The following ASCC3 variants were observed in gnomAD, a reference collection of about 807,000 sequenced individuals.
The protein encoded by ASCC3 is activating signal cointegrator 1 complex subunit 3, also known as ASC-1 complex subunit P200.
A neutral mutation model predicts 256.3 loss-of-function variants in ASCC3; 158 were observed. The observed-to-expected ratio is 0.62, with a 90% CI of 0.54 to 0.70. ASCC3 has a LOEUF of 0.70. Ranked by LOEUF, ASCC3 falls within the 30% of genes least tolerant of loss-of-function variation. ASCC3 has a pLI of 0.00. For synonymous variants in ASCC3, 948 were observed against 883.4 expected (o/e 1.07, Z -1.30); for missense variants, 2,259 against 2,626.0 (o/e 0.86, Z 3.05).
intron 4 of ASCC3, among the ~76,000 whole-genome samples, chr6:100,826,422 C>T (rs1771313160): frequency 6.6e-6 from 1 of 152,168 alleles, no homozygotes. Context: ...TGAGCCACTG[C>T]ACCTGGCCAA....
intron 8 of ASCC3, among the ~76,000 whole-genome samples, chr6:100,775,746 A>T (rs1782156263): frequency 6.6e-6 from 1 of 152,050 alleles, no homozygotes; most frequent in South Asian, 2.1e-4. Flanking sequence ...GTTTCTTTTT[A>T]TTTCTCATTT....
chr6:100,818,767 A>G (rs1302385705), intron 4 of ASCC3, among the ~76,000 whole-genome samples: 3 of 147,554 alleles, frequency 2.0e-5, no homozygotes, highest in South Asian at 2.1e-4. Context: ...AAAAAAAAAA[A>G]AAAAAGAAAT....
At chr6:100,677,648 A>C (rs1777092393) in intron 14 of ASCC3, among the ~76,000 whole-genome samples, 1 of 152,160 alleles carries the variant, frequency 6.6e-6, no homozygotes, top group Admixed American at 6.6e-5. Context: ...AGCTAAGAAA[A>C]AAAGTAATTC....
At chr6:100,543,606 T>A (rs1775569643) in intron 36 of ASCC3, among the ~76,000 whole-genome samples, 1 of 152,062 alleles carries the variant, frequency 6.6e-6, no homozygotes, top group Non-Finnish European at 1.5e-5. Context: ...ATTATCATCA[T>A]GGATAAAGAC....
At position 100,616,336 on chromosome 6, in the gene ASCC3, C is replaced by T. The variant is rs375658059; in HGVS notation, c.4785+8856G>A. Among the ~76,000 whole-genome samples the T allele has an allele frequency of 1.1e-4, 16 of 152,290 alleles. No individual in the cohort carries two copies. In the East Asian group the frequency reaches 2.7e-3, roughly 26 times the overall value. On this transcript the variant is annotated intron_variant, in intron 30 of 41. Transcript: ENST00000369162. ...CATCTAAAAACACTTTAGTATTAAGCATGTGAAAACACTATCAATCTTACT... is the reference window on the plus strand; with the variant it reads ...CATCTAAAAACACTTTAGTATTAAGTATGTGAAAACACTATCAATCTTACT...
intron 14 of ASCC3, among the ~76,000 whole-genome samples, chr6:100,674,287 T>A (rs1029227367): frequency 2.6e-5 from 4 of 152,114 alleles, no homozygotes; most frequent in South Asian, 2.1e-4. Context: ...TTAAGAAATT[T>A]TTTTTCATCC....
intron 4 of ASCC3, among the ~76,000 whole-genome samples, chr6:100,811,629 A>C (rs1770474452): frequency 6.6e-6 from 1 of 152,178 alleles, no homozygotes; most frequent in Non-Finnish European, 1.5e-5. Context: ...GATATAAAAA[A>C]AAACCTTAAA....
intron 34 of ASCC3, among the ~76,000 whole-genome samples, chr6:100,599,138 G>A (rs1772463482): frequency 6.6e-6 from 1 of 152,158 alleles, no homozygotes; most frequent in South Asian, 2.1e-4. Context: ...TAACTTGATA[G>A]ACAGCAGATT....
intron 23 of ASCC3, among the ~76,000 whole-genome samples, chr6:100,643,274 C>A (rs559315339): frequency 6.6e-6 from 1 of 152,058 alleles, no homozygotes; most frequent in Admixed American, 6.6e-5. Context: ...ACAGAAATTA[C>A]GAATGAAGCA....
At chr6:100,691,290 A>G (rs1024357778) in intron 13 of ASCC3, among the ~76,000 whole-genome samples, 8 of 152,078 alleles carry the variant, frequency 5.3e-5, no homozygotes, top group Non-Finnish European at 1.0e-4. Context: ...AAATACAACA[A>G]AACGTATAGT....
chr6:100,768,824 A>G (rs915735216), intron 8 of ASCC3, among the ~76,000 whole-genome samples: 4 of 152,140 alleles, frequency 2.6e-5, no homozygotes, highest in African/African-American at 9.7e-5. Context: ...TGGTCAAAAA[A>G]CAAGTCTTAA....
At position 100,645,415 on chromosome 6, in the gene ASCC3, CTTTTAAGACCAACG is replaced by C. The variant is rs1775331522; in HGVS notation, c.3633+1186_3633+1199del. ...ACTAAAGGAATTAAAGGTTTAGACA[CTTTTAAGACCAACG>C]TAGAATTGGGTTAAAACCATGGTTG... On this transcript the variant is annotated intron_variant, in intron 22 of 41. Coordinates refer to ENST00000369162, the MANE Select transcript of ASCC3 (RefSeq NM_006828.4). 2.0e-5 allele frequency among the ~76,000 whole-genome samples: 3 copies of C among 152,022 alleles called. No individual in the cohort carries two copies. The South Asian group carries it at 6.2e-4, about 32-fold the overall frequency.
Position 100,638,650 on chromosome 6 carries a change from G to C in ASCC3, c.4073C>G (p.Ala1358Gly). 1.2e-6 allele frequency: 2 copies of C among 1,613,886 alleles called. No homozygotes were observed. Among genetic ancestry groups the C allele is most frequent in the Non-Finnish European group, 1.7e-6 (2 of 1,179,822 alleles). Residue 1358 changes from alanine to glycine, a missense_variant, in exon 25 of 42, where the codon GCA (alanine) becomes GGA (glycine). Physicochemically the swap from Ala to Gly is moderately conservative, Grantham distance 60. Around this residue, in one of 2 missense-constraint regions of ASCC3, gnomAD observed 1,839 missense variants for 2,206.7 expected, o/e 0.83. Coordinates refer to ENST00000369162, the MANE Select transcript of ASCC3 (RefSeq NM_006828.4). ...GAPTGSGKTVAAELAIFRVFN... is the reference protein window; with the variant it reads ...GAPTGSGKTVGAELAIFRVFN... ...GACTCTGAAAATGGCTAATTCAGCT[G>C]CAACAGTCTTTCCCGATCCAGTAGG... is the stretch of plus-strand genomic sequence containing the variant.
chr6:100,749,512 A>G (rs932778411), intron 10 of ASCC3, among the ~76,000 whole-genome samples: 1 of 152,014 alleles, frequency 6.6e-6, no homozygotes, highest in African/African-American at 2.4e-5. Context: ...AATAAAAGTC[A>G]CTTTTAATTT....
At chr6:100,603,124 A>G (rs1188070961) in intron 33 of ASCC3, among the ~76,000 whole-genome samples, 3 of 152,100 alleles carry the variant, frequency 2.0e-5, no homozygotes, top group South Asian at 2.1e-4. Flanking sequence ...AACGTTATAC[A>G]TAAGAGGAGA....
chr6:100,796,120 T>C (rs1316877613), intron 8 of ASCC3, among the ~76,000 whole-genome samples: 2 of 152,080 alleles, frequency 1.3e-5, no homozygotes, highest in East Asian at 1.9e-4. Context: ...TACAATCAGA[T>C]GGCTAAAATA....
At chr6:100,664,568 A>AG (rs760514397) in intron 14 of ASCC3, among the ~76,000 whole-genome samples, 11 of 152,094 alleles carry the variant, frequency 7.2e-5, no homozygotes, top group Admixed American at 2.6e-4. Flanking sequence ...TAAAGTTTCA[A>AG]GGGGGGTGTA....
chr6:100,582,119 G>A (rs1202912627), intron 36 of ASCC3, among the ~76,000 whole-genome samples: 3 of 151,750 alleles, frequency 2.0e-5, no homozygotes, highest in Non-Finnish European at 4.4e-5. Flanking sequence ...CCAATTCTGT[G>A]AAGAAAGTCA....
At chr6:100,745,952 G>A (rs549448499) in intron 10 of ASCC3, among the ~76,000 whole-genome samples, 26 of 151,716 alleles carry the variant, frequency 1.7e-4, no homozygotes, top group African/African-American at 5.3e-4. Context: ...TATATCTATC[G>A]ACATAGATAG....
Sources: allele counts gnomAD v4.1 joint callset (sites outside exome capture counted in the v4.1 genomes callset), GRCh38; gene constraint gnomAD v4.1.1; regional missense constraint gnomAD v4.1.1; transcripts MANE v1.5; gene names NCBI Gene and HGNC (gene_info 2026-07-23, HGNC 2026-07-21).